The following HCRTR2 variants were observed in gnomAD, a reference collection of about 807,000 sequenced individuals.
HCRTR2 encodes orexin receptor type 2.
HCRTR2 carries 22 observed loss-of-function variants against 49.0 expected under a neutral mutation model. The observed-to-expected ratio is 0.45, with a 90% CI of 0.32 to 0.64. The LOEUF is 0.64. Ranked by LOEUF, HCRTR2 falls within the 30% of genes least tolerant of loss-of-function variation. HCRTR2 has a pLI of 0.04. For synonymous variants in HCRTR2, 236 were observed against 205.3 expected, an observed-to-expected ratio of 1.15 and a Z score of -1.28; for missense variants, 491 against 559.4, an observed-to-expected ratio of 0.88 and a Z score of 1.23.
chr6:55,238,994 A>G (rs1253180590), intron 1 of HCRTR2, among the ~76,000 whole-genome samples: 1 of 152,142 alleles, frequency 6.6e-6, no homozygotes, highest in East Asian at 1.9e-4. Context: ...GCCCTGTAGA[A>G]CTCTGAGAAC....
upstream of HCRTR2, among the ~76,000 whole-genome samples, chr6:55,170,359 G>A (rs1381162610): frequency 6.7e-6 from 1 of 149,934 alleles, no homozygotes; most frequent in Non-Finnish European, 1.5e-5. Context: ...TAGGGTACAT[G>A]TAATATTTTG....
intron 1 of HCRTR2, among the ~76,000 whole-genome samples, chr6:55,197,795 G>GTATTTTT (rs1341676981): frequency 6.6e-6 from 1 of 152,036 alleles, no homozygotes; most frequent in Non-Finnish European, 1.5e-5. Flanking sequence ...CTAATTTGTT[G>GTATTTTT]TATTTTTGGC....
intron 1 of HCRTR2, among the ~76,000 whole-genome samples, chr6:55,158,545 A>C (rs1015213400): frequency 6.6e-6 from 1 of 152,200 alleles, no homozygotes; most frequent in Non-Finnish European, 1.5e-5. Flanking sequence ...CAGTAAGCTA[A>C]GATCCACTGG....
intron 1 of HCRTR2, among the ~76,000 whole-genome samples, chr6:55,202,452 A>T (rs147564469): frequency 6.6e-6 from 1 of 152,260 alleles, no homozygotes; most frequent in African/African-American, 2.4e-5. Context: ...TCTTGTCTTA[A>T]TCAGTTTGGG....
intron 1 of HCRTR2, among the ~76,000 whole-genome samples, chr6:55,246,469 T>A (rs1463481689): frequency 1.3e-5 from 2 of 151,912 alleles, no homozygotes; most frequent in Non-Finnish European, 2.9e-5. Context: ...GCAGGATGAA[T>A]CAGAGATGGT....
intron 1 of HCRTR2, among the ~76,000 whole-genome samples, chr6:55,151,236 C>CA (rs1764660765): frequency 6.6e-6 from 1 of 151,922 alleles, no homozygotes; most frequent in Non-Finnish European, 1.5e-5. Flanking sequence ...CTTACTCTAA[C>CA]AAAAAATTTC....
Position 55,114,365 on chromosome 6 carries a change from G to A in HCRTR2, c.-378+7820G>A, listed in dbSNP as rs1423767075. 2.0e-5 allele frequency among the ~76,000 whole-genome samples: 3 copies of A among 151,724 alleles called. No homozygotes were observed. In the South Asian group the frequency reaches 6.2e-4, roughly 31 times the overall value. ...CAAAATAGAACAAACAACTACCTAT[G>A]TGAGCTACTTGGAAACTTCAATCCC... On this transcript the variant is annotated intron_variant, in intron 1 of 7. Transcript: ENST00000615358.
chr6:55,174,906 GCAAA>G, intron 1 of HCRTR2, 96 bp downstream of exon 1: 1 of 906,604 alleles, frequency 1.1e-6, no homozygotes, highest in Admixed American at 1.8e-5. Flanking sequence ...CCCCCGGGAA[GCAAA>G]CAAAGAGGTC....
intron 1 of HCRTR2, among the ~76,000 whole-genome samples, chr6:55,144,639 C>G (rs553669654): frequency 1.1e-4 from 17 of 152,228 alleles, no homozygotes; most frequent in South Asian, 2.1e-4. Flanking sequence ...CGTTGGATCC[C>G]TCGCATGCGC....
chr6:55,267,319 T>C (rs571278180), intron 4 of HCRTR2, among the ~76,000 whole-genome samples: 22 of 152,220 alleles, frequency 1.4e-4, no homozygotes, highest in East Asian at 3.9e-4. Flanking sequence ...TGTGTGTCCT[T>C]GTCTGACTTT....
At chr6:55,241,071 CA>C (rs1766321497) in intron 1 of HCRTR2, among the ~76,000 whole-genome samples, 1 of 151,246 alleles carries the variant, frequency 6.6e-6, no homozygotes, top group Non-Finnish European at 1.5e-5. Context: ...GTGCTGCACC[CA>C]TTAACTCGTC....
At chr6:55,118,764 A>C (rs1206753690) in intron 1 of HCRTR2, among the ~76,000 whole-genome samples, 1 of 148,522 alleles carries the variant, frequency 6.7e-6, no homozygotes, top group South Asian at 2.1e-4. Context: ...TATTCTTGTA[A>C]ATTTTCTTAT....
At chr6:55,218,602 G>A (rs1765833024) in intron 1 of HCRTR2, among the ~76,000 whole-genome samples, 1 of 152,220 alleles carries the variant, frequency 6.6e-6, no homozygotes, top group Middle Eastern at 3.4e-3. Context: ...GATGAGAGCA[G>A]GGCTCATTAT....
At chr6:55,249,133 G>A (rs1014495893) in intron 2 of HCRTR2, among the ~76,000 whole-genome samples, 1 of 151,876 alleles carries the variant, frequency 6.6e-6, no homozygotes, top group Non-Finnish European at 1.5e-5. Context: ...GTTTGATTTT[G>A]CGCAAACTTT....
rs867258830 is a variant in HCRTR2, at chr6:55,215,509, A to G, written c.224-33130A>G. On this transcript the variant is annotated intron_variant, in intron 1 of 6. Transcript: ENST00000370862. ...AAAGTATAAAGCTCATTGGTCAAAGATAGATATAAAGGAAAAACAACGGGA... is the reference window on the plus strand; with the variant it reads ...AAAGTATAAAGCTCATTGGTCAAAGGTAGATATAAAGGAAAAACAACGGGA... Among the ~76,000 whole-genome samples, 7 of 152,322 alleles carry G rather than the reference A, an allele frequency of 4.6e-5. No homozygotes were observed. The South Asian group carries it at 1.4e-3, about 32-fold the overall frequency.
chr6:55,226,603 C>G (rs1766009012), intron 1 of HCRTR2, among the ~76,000 whole-genome samples: 1 of 152,168 alleles, frequency 6.6e-6, no homozygotes, highest in Admixed American at 6.5e-5. Context: ...GCCACTGAGC[C>G]CTGCCAAAAA....
chr6:55,121,568 T>TG lies in HCRTR2; in HGVS notation c.-378+15023_-378+15024insG, dbSNP rs545311034. Among the ~76,000 whole-genome samples, 672 of 152,234 alleles carry TG rather than the reference T, an allele frequency of 4.4e-3. 7 individuals carry two copies. The highest frequency in any genetic ancestry group is 0.016 in the African/African-American group (655 of 41,554). On this transcript the variant is annotated intron_variant, in intron 1 of 7. Coordinates refer to the HCRTR2 transcript ENST00000615358. ...TTTCAAAGGGAATGCTTCCAGTTTT[T>TG]CCCATTCAGTATGATATTGGCTGTG...
intron 1 of HCRTR2, among the ~76,000 whole-genome samples, chr6:55,117,444 CGTT>C (rs1467630401): frequency 6.6e-6 from 1 of 151,508 alleles, no homozygotes; most frequent in Non-Finnish European, 1.5e-5. Context: ...GATACACAAT[CGTT>C]GTACATATTC....
intron 6 of HCRTR2, among the ~76,000 whole-genome samples, chr6:55,280,984 A>G (rs550778569): frequency 9.2e-5 from 14 of 152,330 alleles, no homozygotes; most frequent in Admixed American, 2.6e-4. Context: ...TGTGTAACTT[A>G]TACAATTTGT....
Sources: gnomAD v4.1 joint callset for allele counts (sites outside exome capture counted in the v4.1 genomes callset) on GRCh38, gnomAD v4.1.1 for gene constraint, MANE v1.5 for transcripts, NCBI Gene and HGNC (gene_info 2026-07-23, HGNC 2026-07-21) for gene names.